Variants in AMTN observed in about 807,000 individuals in gnomAD.
AMTN encodes amelotin, also known as RSTI689.
In AMTN, 29 loss-of-function variants were observed where a neutral mutation model predicts 27.4. The observed-to-expected ratio is 1.06, with a 90% CI of 0.79 to 1.44. AMTN has a LOEUF of 1.44. Ranked by LOEUF, AMTN falls within the 40% of genes most tolerant of loss-of-function variation. The pLI, the probability that AMTN is intolerant of heterozygous loss-of-function variation, is 0.00. For synonymous variants in AMTN, 86 were observed against 95.7 expected (o/e 0.90, Z 0.59); for missense variants, 247 against 248.8 (o/e 0.99, Z 0.05).
chr4:70,519,018 A>G (rs1688496237), intron 2 of AMTN, among the ~76,000 whole-genome samples, 187 bp downstream of exon 2: 1 of 152,220 alleles, frequency 6.6e-6, no homozygotes, highest in African/African-American at 2.4e-5. Context: ...ATTTCAATGT[A>G]CTTGCATTTT....
intron 8 of AMTN, 27 bp from the exon 9 acceptor site, chr4:70,532,428 T>C (rs769855696): frequency 1.3e-6 from 2 of 1,571,120 alleles, no homozygotes; most frequent in East Asian, 2.2e-5. Context: ...TTTACCTACA[T>C]TTAAAAGGTG....
chr4:70,519,325 T>C (rs1437818455), intron 2 of AMTN, among the ~76,000 whole-genome samples: 2 of 152,150 alleles, frequency 1.3e-5, no homozygotes, highest in Non-Finnish European at 2.9e-5. Flanking sequence ...GAACATTAAA[T>C]CATAAATAGT....
chr4:70,524,992 C>T, intron 5 of AMTN, 31 bp downstream of exon 5: 1 of 1,581,842 alleles, frequency 6.3e-7, no homozygotes, highest in Non-Finnish European at 8.6e-7. Flanking sequence ...TTAGTTTTAA[C>T]ATTAGAGAGC....
chr4:70,525,680 G>A (rs1423702704), intron 5 of AMTN, among the ~76,000 whole-genome samples: 1 of 152,168 alleles, frequency 6.6e-6, no homozygotes, highest in Non-Finnish European at 1.5e-5. Context: ...AGGATCACTT[G>A]AGCCCAGGCA....
At chr4:70,523,980 T>A in intron 4 of AMTN, 47 bp downstream of exon 4, 2 of 1,488,404 alleles carry the variant, frequency 1.3e-6, no homozygotes, top group South Asian at 2.3e-5. Flanking sequence ...GAAATAAATA[T>A]AATGCCTAAT....
chr4:70,530,582 T>C (rs1736198776), intron 7 of AMTN, among the ~76,000 whole-genome samples: 1 of 152,090 alleles, frequency 6.6e-6, no homozygotes, highest in Non-Finnish European at 1.5e-5. Flanking sequence ...AAAACTCCAA[T>C]AGACAGGAAT....
Position 70,529,212 on chromosome 4 carries a change from T to A in AMTN, c.357+2T>A. The A allele has an allele frequency of 6.5e-7, 1 of 1,536,294 alleles. No individual in the cohort carries two copies. The highest frequency in any genetic ancestry group is 8.7e-7 in the Non-Finnish European group (1 of 1,144,368). ...ACTATCCTAAGCTCAGAGGAATTGGTAAAAAAAATAAAAATACTATTTCAA... is the reference window on the plus strand; with the variant it reads ...ACTATCCTAAGCTCAGAGGAATTGGAAAAAAAAATAAAAATACTATTTCAA... On this transcript the variant is annotated splice_donor_variant, in intron 7 of 8. Transcript: ENST00000339336. LOFTEE classifies it high-confidence loss of function.
Position 70,532,520 on chromosome 4 carries a change from C to T in AMTN, c.*55C>T, listed in dbSNP as rs1736247406. 1 of 1,508,976 alleles carries T rather than the reference C, an allele frequency of 6.6e-7. No individual in the cohort carries two copies. Among genetic ancestry groups the T allele is most frequent in the Admixed American group, 1.7e-5 (1 of 57,486 alleles). The allele number at this position is 1,508,976 out of a possible 1,614,324, so 93.5% of individuals were successfully genotyped here. ...CTCGAATTTGGTGATACATGTGAAT[C>T]TTTATCATTGATTATATTATGGAAT... On this transcript the variant is annotated 3_prime_UTR_variant, in exon 9 of 9. Transcript: ENST00000339336.
intron 2 of AMTN, among the ~76,000 whole-genome samples, chr4:70,521,650 T>C (rs1294300835): frequency 4.1e-4 from 19 of 46,780 alleles, no homozygotes; most frequent in African/African-American, 7.3e-4. Flanking sequence ...CTTTTTTTTT[T>C]TTTTTTTTTT....
chr4:70,524,252 T>C (rs1473293572), intron 4 of AMTN, among the ~76,000 whole-genome samples: 7 of 152,152 alleles, frequency 4.6e-5, no homozygotes, highest in Non-Finnish European at 1.0e-4. Flanking sequence ...CACATCCACA[T>C]AAACACTATC....
chr4:70,519,160 A>C (rs1735890913), intron 2 of AMTN, among the ~76,000 whole-genome samples: 1 of 152,220 alleles, frequency 6.6e-6, no homozygotes, highest in Non-Finnish European at 1.5e-5. Context: ...TTTTCTTGGC[A>C]ACTAGTTATT....
intron 4 of AMTN, 50 bp downstream of exon 4, chr4:70,523,983 T>G: frequency 6.8e-7 from 1 of 1,473,038 alleles, no homozygotes; most frequent in Non-Finnish European, 9.5e-7. Flanking sequence ...ATAAATATAA[T>G]GCCTAATATT....
At chr4:70,527,257 A>G (rs1736119734) in intron 5 of AMTN, among the ~76,000 whole-genome samples, 1 of 152,176 alleles carries the variant, frequency 6.6e-6, no homozygotes, top group Non-Finnish European at 1.5e-5. Flanking sequence ...ATTTCAAATA[A>G]TTTCTCTACC....
intron 5 of AMTN, 145 bp from the exon 6 acceptor site, chr4:70,528,578 A>T (rs1031451500): frequency 2.6e-5 from 14 of 543,004 alleles, no homozygotes; most frequent in African/African-American, 4.1e-5. Context: ...TGAACCCAGG[A>T]GGCAGAGGTT....
intron 5 of AMTN, among the ~76,000 whole-genome samples, chr4:70,526,316 A>G (rs1394000637): frequency 6.6e-6 from 1 of 152,174 alleles, no homozygotes; most frequent in South Asian, 2.1e-4. Flanking sequence ...ATGTTTTAAA[A>G]TATTCACTCA....
chr4:70,523,085 A>G (rs1013281349), intron 3 of AMTN, among the ~76,000 whole-genome samples: 1 of 152,220 alleles, frequency 6.6e-6, no homozygotes, highest in Non-Finnish European at 1.5e-5. Flanking sequence ...CTGAATAATA[A>G]TTTGGTTTAG....
intron 2 of AMTN, among the ~76,000 whole-genome samples, chr4:70,519,492 C>A (rs1465646383): frequency 2.1e-5 from 3 of 143,034 alleles, no homozygotes; most frequent in Non-Finnish European, 4.7e-5. Flanking sequence ...TTACAATATA[C>A]TTGCTATGAA....
intron 5 of AMTN, among the ~76,000 whole-genome samples, chr4:70,525,173 C>T (rs566830308): frequency 2.0e-5 from 3 of 152,212 alleles, no homozygotes; most frequent in African/African-American, 7.2e-5. Context: ...TACCTCACAA[C>T]TTCTCTAGAA....
chr4:70,521,333 T>G (rs1735956231), intron 2 of AMTN, among the ~76,000 whole-genome samples: 1 of 137,800 alleles, frequency 7.3e-6, no homozygotes, highest in Non-Finnish European at 1.5e-5. Context: ...TGAGCCAAGA[T>G]CACTCCATTG....
Sources: allele counts gnomAD v4.1 joint callset (sites outside exome capture counted in the v4.1 genomes callset), GRCh38; gene constraint gnomAD v4.1.1; transcripts MANE v1.5; gene names NCBI Gene and HGNC (gene_info 2026-07-23, HGNC 2026-07-21).